The following HECTD2 variants were observed in gnomAD, a reference collection of about 807,000 sequenced individuals.
HECTD2 encodes HECT domain E3 ubiquitin protein ligase 2.
In HECTD2, 35 loss-of-function variants were observed where a neutral mutation model predicts 103.2. The ratio of observed to expected loss-of-function variants is 0.34; its 90% CI spans 0.26 to 0.45. The LOEUF (loss-of-function observed/expected upper bound fraction) is 0.45. Among genes scored for constraint, HECTD2 ranks in the 20% least tolerant of loss-of-function variants. The probability of loss-of-function intolerance (pLI) is 1.00; values close to 1 mark genes in which losing one functional copy is unlikely to be tolerated. For synonymous variants in HECTD2, 281 were observed against 329.9 expected (o/e 0.85, Z 1.61); for missense variants, 596 against 937.4 (o/e 0.64, Z 4.76).
intron 1 of HECTD2, among the ~76,000 whole-genome samples, chr10:91,420,995 A>G (rs1265359610): frequency 6.6e-6 from 1 of 152,182 alleles, no homozygotes; most frequent in Non-Finnish European, 1.5e-5. Context: ...AGCCATGGTA[A>G]TGTGCATAGT....
chr10:91,411,871 T>A (rs531752015), intron 1 of HECTD2, among the ~76,000 whole-genome samples: 1 of 152,220 alleles, frequency 6.6e-6, no homozygotes, highest in African/African-American at 2.4e-5. Flanking sequence ...ATATAGGAAG[T>A]CTTTAACTCA....
At chr10:91,476,239 T>C (rs1293769758) in intron 5 of HECTD2, among the ~76,000 whole-genome samples, 1 of 152,142 alleles carries the variant, frequency 6.6e-6, no homozygotes, top group Non-Finnish European at 1.5e-5. Context: ...AATGAAGGGA[T>C]TGACCTTGGT....
intron 2 of HECTD2, among the ~76,000 whole-genome samples, chr10:91,455,063 A>C (rs902386303): frequency 2.0e-5 from 3 of 152,048 alleles, no homozygotes; most frequent in African/African-American, 7.2e-5. Context: ...AGCATGATTT[A>C]AAATCCTTTG....
At chr10:91,504,411 C>T (rs1176945305) in intron 20 of HECTD2, among the ~76,000 whole-genome samples, 13 of 151,260 alleles carry the variant, frequency 8.6e-5, no homozygotes, top group Non-Finnish European at 1.0e-4. Context: ...ACTAGAATAA[C>T]CAATACAGAG....
At chr10:91,510,479 A>C (rs1383932256) in intron 20 of HECTD2, among the ~76,000 whole-genome samples, 1 of 152,184 alleles carries the variant, frequency 6.6e-6, no homozygotes, top group Non-Finnish European at 1.5e-5. Flanking sequence ...TTTTCATAAG[A>C]TATTCTTCTG....
rs774197749 is a variant in HECTD2 at position 91,513,686 on chromosome 10, A to G, written c.*1302A>G. 7 of 152,720 alleles carry G rather than the reference A, an allele frequency of 4.6e-5. No homozygotes were observed. The highest frequency in any genetic ancestry group is 8.8e-5 in the Non-Finnish European group (6 of 68,020). The allele number at this position is 152,720 out of a possible 1,614,324, so 9.5% of individuals were successfully genotyped here. On this transcript the variant is annotated 3_prime_UTR_variant, in exon 21 of 21. Coordinates refer to ENST00000298068, the MANE Select transcript of HECTD2 (RefSeq NM_182765.6). ...CTTTCCTTCAGAAAACTCTGAAGTT[A>G]TATTTGCAATAATAATGAAACCAGC... is the stretch of plus-strand genomic sequence containing the variant.
At chr10:91,462,326 ATAAAGT>A in intron 5 of HECTD2, 142 bp downstream of exon 5, 1 of 1,115,422 alleles carries the variant, frequency 9.0e-7, no homozygotes, top group Non-Finnish European at 1.2e-6. Flanking sequence ...TGGAATTCTC[ATAAAGT>A]TAGATTATTT....
intron 20 of HECTD2, among the ~76,000 whole-genome samples, chr10:91,510,122 C>G (rs1052140982): frequency 1.3e-5 from 2 of 152,164 alleles, no homozygotes; most frequent in Non-Finnish European, 2.9e-5. Flanking sequence ...CAGATGCCTT[C>G]TCCCAGTGCC....
chr10:91,457,314 G>A (rs1384932652), intron 2 of HECTD2, among the ~76,000 whole-genome samples: 1 of 151,408 alleles, frequency 6.6e-6, no homozygotes, highest in African/African-American at 2.4e-5. Context: ...TTACAAAGCT[G>A]GTATTACACT....
chr10:91,428,686 AT>A (rs1459124808), intron 2 of HECTD2, among the ~76,000 whole-genome samples: 3 of 151,390 alleles, frequency 2.0e-5, no homozygotes, highest in African/African-American at 7.3e-5. Context: ...TTTGTCTGTT[AT>A]TGGTGTATAA....
chr10:91,499,193 A>G lies in HECTD2; in HGVS notation c.1950+43A>G, dbSNP rs890339336. Reference sequence around the variant, plus strand: ...AATCAAGCTTTCGGTTAGCTTTTGTAGTACTATCATGTTAACAAATAATTA... The same window carrying G: ...AATCAAGCTTTCGGTTAGCTTTTGTGGTACTATCATGTTAACAAATAATTA... On this transcript the variant is annotated intron_variant, in intron 18 of 20. Coordinates refer to ENST00000298068, the MANE Select transcript of HECTD2 (RefSeq NM_182765.6). 2.4e-5 allele frequency: 25 copies of G among 1,050,680 alleles called. No individual in the cohort carries two copies. The Admixed American group carries it at 3.5e-4, about 15-fold the overall frequency. The allele number at this position is 1,050,680 out of a possible 1,614,324, so 65.1% of individuals were successfully genotyped here. A position where few individuals can be genotyped will look rare whatever the true frequency, so the allele number is the denominator to read the frequency against.
At chr10:91,462,005 C>A in intron 4 of HECTD2, 90 bp from the exon 5 acceptor site, 1 of 970,928 alleles carries the variant, frequency 1.0e-6, no homozygotes, top group South Asian at 1.7e-5. Context: ...AAAAAATAAT[C>A]AAAATTATGA....
chr10:91,426,081 G>C (rs994116004), intron 2 of HECTD2, among the ~76,000 whole-genome samples: 2 of 152,002 alleles, frequency 1.3e-5, no homozygotes, highest in Non-Finnish European at 2.9e-5. Flanking sequence ...AAAAAAGTAA[G>C]TTACATCATT....
chr10:91,480,753 C>T (rs1020956482), intron 6 of HECTD2, among the ~76,000 whole-genome samples: 5 of 151,970 alleles, frequency 3.3e-5, no homozygotes, highest in African/African-American at 9.7e-5. Context: ...CATAAATGTT[C>T]TTAAGTAAAG....
chr10:91,459,038 G>A (rs1845231315), intron 2 of HECTD2, among the ~76,000 whole-genome samples: 1 of 151,916 alleles, frequency 6.6e-6, no homozygotes, highest in Admixed American at 6.6e-5. Context: ...CAGCAAAAAA[G>A]TAATCCAGTC....
At position 91,499,144 on chromosome 10, in the gene HECTD2, C is replaced by T. The variant is rs771231186; in HGVS notation, c.1944C>T (p.Ala648=). ...YGFHSVCASN[A]LMLLRPEEVE... is the part of the protein sequence containing the mutation. ...TTCATAGTGTGTGTGCTTCAAATGC[C>T]CTAATGGTGAGTTTATAACTTTAAA... is the stretch of plus-strand genomic sequence containing the variant. Residue 648 remains alanine, a synonymous_variant, in exon 18 of 21, where the codon GCC becomes GCT. Transcript: ENST00000298068. 6.3e-7 allele frequency: 1 copy of T among 1,593,178 alleles called. No homozygotes were observed. Among genetic ancestry groups the T allele is most frequent in the South Asian group, 1.1e-5 (1 of 90,414 alleles).
chr10:91,419,145 A>G (rs2132996729), intron 1 of HECTD2, among the ~76,000 whole-genome samples: 1 of 152,306 alleles, frequency 6.6e-6, no homozygotes, highest in African/African-American at 2.4e-5. Flanking sequence ...TGATCTTGTA[A>G]GGCAACTTTT....
intron 11 of HECTD2, chr10:91,489,111 GT>G (rs1846369825): frequency 6.6e-6 from 1 of 152,096 alleles, no homozygotes; most frequent in Non-Finnish European, 1.5e-5. Flanking sequence ...AGACTAAACA[GT>G]TTTTTCTGTG....
At chr10:91,504,006 A>G (rs1330275848) in intron 20 of HECTD2, among the ~76,000 whole-genome samples, 8 of 152,216 alleles carry the variant, frequency 5.3e-5, no homozygotes, top group Non-Finnish European at 7.3e-5. Context: ...GGCACCCTCC[A>G]GCAGGGGCAC....
Sources: gnomAD v4.1 joint callset for allele counts (sites outside exome capture counted in the v4.1 genomes callset) on GRCh38, gnomAD v4.1.1 for gene constraint, MANE v1.5 for transcripts, NCBI Gene and HGNC (gene_info 2026-07-23, HGNC 2026-07-21) for gene names.